GRIK4: variants seen among roughly 807,000 people sequenced by gnomAD.
GRIK4 encodes glutamate receptor ionotropic, kainate 4.
In GRIK4, 40 loss-of-function variants were observed where a neutral mutation model predicts 104.9. The observed-to-expected ratio is 0.38, with a 90% CI of 0.30 to 0.50. The LOEUF is 0.50. GRIK4 is among the 20% of genes least tolerant of loss of function. The pLI, the probability that GRIK4 is intolerant of heterozygous loss-of-function variation, is 0.93. For missense variants in GRIK4, 1,047 were observed against 1,308.1 expected (o/e 0.80, Z 3.08); for synonymous variants, 485 against 524.9 (o/e 0.92, Z 1.04).
At chr11:120,525,495 CT>C (rs1312581835) in intron 1 of GRIK4, among the ~76,000 whole-genome samples, 2 of 152,178 alleles carry the variant, frequency 1.3e-5, no homozygotes, top group African/African-American at 2.4e-5. Flanking sequence ...GTGGAAAGAG[CT>C]GTAGAAGCAG....
At chr11:120,710,616 C>A (rs1379275148) in intron 3 of GRIK4, among the ~76,000 whole-genome samples, 1 of 152,134 alleles carries the variant, frequency 6.6e-6, no homozygotes, top group Non-Finnish European at 1.5e-5. Flanking sequence ...TGGAATGCGC[C>A]CTGCGGTTTT....
chr11:120,545,673 G>A (rs745893891), intron 1 of GRIK4, among the ~76,000 whole-genome samples: 4 of 152,216 alleles, frequency 2.6e-5, no homozygotes, highest in African/African-American at 4.8e-5. Flanking sequence ...TGTCTTGTGT[G>A]AAACAACAGT....
intron 10 of GRIK4, among the ~76,000 whole-genome samples, chr11:120,874,608 A>G (rs951423913): frequency 1.3e-5 from 2 of 152,190 alleles, no homozygotes; most frequent in African/African-American, 4.8e-5. Context: ...CAAGACTTCT[A>G]GCTTGGCTGG....
At chr11:120,866,338 C>T (rs766392060) in intron 9 of GRIK4, among the ~76,000 whole-genome samples, 30 of 152,246 alleles carry the variant, frequency 2.0e-4, no homozygotes, top group Non-Finnish European at 3.2e-4. Flanking sequence ...AAGGCTTGCC[C>T]GAAAAGAGGG....
At chr11:120,851,753 A>G (rs776007616) in intron 8 of GRIK4, among the ~76,000 whole-genome samples, 8 of 152,100 alleles carry the variant, frequency 5.3e-5, no homozygotes, top group African/African-American at 9.7e-5. Context: ...GGCCTCTGGA[A>G]CACAGCAGAG....
chr11:120,931,962 G>A (rs116771915), intron 13 of GRIK4, among the ~76,000 whole-genome samples: 12 of 152,066 alleles, frequency 7.9e-5, no homozygotes, highest in African/African-American at 1.7e-4. Flanking sequence ...CTCCTGCATC[G>A]GGGCCTTGAC....
intron 4 of GRIK4, among the ~76,000 whole-genome samples, chr11:120,804,879 C>A (rs185887778): frequency 6.6e-6 from 1 of 152,168 alleles, no homozygotes; most frequent in Non-Finnish European, 1.5e-5. Flanking sequence ...CTCCCAGTCC[C>A]TCCTGCTCCT....
intron 1 of GRIK4, among the ~76,000 whole-genome samples, chr11:120,534,763 G>A (rs1947956085): frequency 6.6e-6 from 1 of 152,182 alleles, no homozygotes; most frequent in African/African-American, 2.4e-5. Context: ...GGGGACATGG[G>A]GACAGGCAGA....
At chr11:120,786,074 C>T (rs1400375436) in intron 3 of GRIK4, among the ~76,000 whole-genome samples, 5 of 152,180 alleles carry the variant, frequency 3.3e-5, no homozygotes, top group African/African-American at 1.2e-4. Context: ...TTGTGCCTGC[C>T]GTTCTCATGT....
chr11:120,801,948 C>T (rs1031006025), intron 3 of GRIK4, among the ~76,000 whole-genome samples: 1 of 152,220 alleles, frequency 6.6e-6, no homozygotes, highest in Non-Finnish European at 1.5e-5. Context: ...GATACCATAA[C>T]ATTTATCCTT....
intron 3 of GRIK4, among the ~76,000 whole-genome samples, chr11:120,752,257 T>A (rs1248958007): frequency 1.3e-5 from 2 of 152,162 alleles, no homozygotes; most frequent in African/African-American, 2.4e-5. Context: ...AAGGCTGCTG[T>A]TTTTAGGAAG....
chr11:120,872,772 G>T (rs1277197268), intron 9 of GRIK4: 2 of 189,766 alleles, frequency 1.1e-5, no homozygotes, highest in South Asian at 1.1e-4. Context: ...TTGTTTGTTT[G>T]TTTTTTGCCA....
intron 1 of GRIK4, among the ~76,000 whole-genome samples, chr11:120,569,805 T>TG (rs973421151): frequency 1.3e-5 from 2 of 151,796 alleles, no homozygotes; most frequent in African/African-American, 2.4e-5. Flanking sequence ...ATGTGGTGGG[T>TG]GGGGAGCTAG....
chr11:120,832,159 G>C (rs1953447954), intron 7 of GRIK4, 129 bp downstream of exon 7: 5 of 580,394 alleles, frequency 8.6e-6, no homozygotes, highest in Non-Finnish European at 1.5e-5. Context: ...ACCTCTCTCT[G>C]TGCTTCTGTT....
chr11:120,813,260 G>C (rs1952865712), intron 4 of GRIK4, among the ~76,000 whole-genome samples: 1 of 152,156 alleles, frequency 6.6e-6, no homozygotes, highest in African/African-American at 2.4e-5. Flanking sequence ...TTGATTAGGT[G>C]TGTGACCAGA....
At chr11:120,613,202 T>C (rs528817544) in intron 1 of GRIK4, among the ~76,000 whole-genome samples, 2 of 152,310 alleles carry the variant, frequency 1.3e-5, no homozygotes, top group East Asian at 3.9e-4. Context: ...GCTTAGCTGA[T>C]TGGCCTTGGG....
intron 3 of GRIK4, among the ~76,000 whole-genome samples, chr11:120,679,721 T>C (rs7932158): frequency 0.58 from 87,891 of 152,072 alleles, 26,601 homozygotes; most frequent in African/African-American, 0.76. Context: ...CATGCTAACC[T>C]TTGGGCTCTC....
rs529674622 is a variant in GRIK4 at position 120,818,000 on chromosome 11, G to T, written c.346-1755G>T. Among the ~76,000 whole-genome samples, 69 of 152,226 alleles carry T rather than the reference G, an allele frequency of 4.5e-4. 1 individual carries two copies. The highest frequency in any genetic ancestry group is 2.7e-3 in the Admixed American group (42 of 15,282). ...CACCTGTGGTTATCTCCATTTTAAT[G>T]ATGTTTTGACAAGTTAAGTGGTTTA... On this transcript the variant is annotated intron_variant, in intron 5 of 20. Transcript: ENST00000527524.
At chr11:120,569,110 G>C in intron 1 of GRIK4, among the ~76,000 whole-genome samples, 1 of 152,358 alleles carries the variant, frequency 6.6e-6, no homozygotes, top group African/African-American at 2.4e-5. Flanking sequence ...GGTGCTTAGA[G>C]CCATTTGCTT....
Sources: gnomAD v4.1 joint callset for allele counts (sites outside exome capture counted in the v4.1 genomes callset) on GRCh38, gnomAD v4.1.1 for gene constraint, MANE v1.5 for transcripts, NCBI Gene and HGNC (gene_info 2026-07-23, HGNC 2026-07-21) for gene names.